Variants in CADM2 observed in about 807,000 individuals in gnomAD.
The protein encoded by CADM2 is cell adhesion molecule 2, also known as immunoglobulin superfamily member 4D.
In CADM2, 12 loss-of-function variants were observed where a neutral mutation model predicts 49.8. The observed-to-expected ratio is 0.24, with a 90% CI of 0.15 to 0.39. CADM2 has a LOEUF of 0.39. Ranked by LOEUF, CADM2 falls within the 10% of genes least tolerant of loss-of-function variation. CADM2 has a pLI of 1.00. For synonymous variants in CADM2, 214 were observed against 175.4 expected (o/e 1.22, Z -1.74); for missense variants, 378 against 492.3 (o/e 0.77, Z 2.20).
At chr3:85,125,768 A>T (rs2039014360) in intron 1 of CADM2, among the ~76,000 whole-genome samples, 1 of 152,204 alleles carries the variant, frequency 6.6e-6, no homozygotes. Context: ...CCTGGATCAA[A>T]ATTATGGCAC....
intron 1 of CADM2, among the ~76,000 whole-genome samples, chr3:85,567,865 A>G (rs1343174349): frequency 6.6e-6 from 1 of 152,284 alleles, no homozygotes; most frequent in East Asian, 1.9e-4. Flanking sequence ...GAACCCACGG[A>G]GCTGCTGGTA....
chr3:85,080,864 A>C (rs1264339643), intron 1 of CADM2, among the ~76,000 whole-genome samples: 1 of 152,092 alleles, frequency 6.6e-6, no homozygotes, highest in Non-Finnish European at 1.5e-5. Context: ...TGTTTCTAAA[A>C]ATTACACTAC....
At chr3:85,060,534 T>C (rs1188591217) in intron 1 of CADM2, among the ~76,000 whole-genome samples, 1 of 152,202 alleles carries the variant, frequency 6.6e-6, no homozygotes, top group Non-Finnish European at 1.5e-5. Context: ...TAAATGAAAA[T>C]GTTTTCTTTA....
intron 1 of CADM2, among the ~76,000 whole-genome samples, chr3:85,290,440 G>A (rs889319278): frequency 6.6e-6 from 1 of 152,218 alleles, no homozygotes; most frequent in Admixed American, 6.5e-5. Context: ...GCCCACCACA[G>A]CTCAAGGAGG....
intron 1 of CADM2, among the ~76,000 whole-genome samples, chr3:85,383,842 T>G (rs535734633): frequency 2.0e-5 from 3 of 152,090 alleles, no homozygotes; most frequent in Non-Finnish European, 4.4e-5. Context: ...TTTCCACCAC[T>G]ATATAGTATT....
chr3:85,624,150 CAG>C (rs1250005417), intron 1 of CADM2, among the ~76,000 whole-genome samples: 1 of 152,040 alleles, frequency 6.6e-6, no homozygotes, highest in Non-Finnish European at 1.5e-5. Flanking sequence ...CATTTTGTAA[CAG>C]ATATTCATGG....
chr3:85,334,970 TACAAGGTG>T (rs1206795807), intron 1 of CADM2, among the ~76,000 whole-genome samples: 2 of 151,198 alleles, frequency 1.3e-5, no homozygotes, highest in Non-Finnish European at 3.0e-5. Context: ...GCTATGAAGT[TACAAGGTG>T]ACAGGAAAGT....
At chr3:85,955,299 C>T (rs369037157) in intron 7 of CADM2, among the ~76,000 whole-genome samples, 10 of 151,258 alleles carry the variant, frequency 6.6e-5, no homozygotes, top group East Asian at 3.9e-4. Flanking sequence ...AAAGGCAGCA[C>T]GAATCCCAAG....
chr3:85,555,702 C>A (rs935014931), intron 1 of CADM2, among the ~76,000 whole-genome samples: 2 of 151,868 alleles, frequency 1.3e-5, no homozygotes, highest in Non-Finnish European at 2.9e-5. Flanking sequence ...TTAAATACAG[C>A]TTTAGGTTGC....
intron 1 of CADM2, among the ~76,000 whole-genome samples, chr3:85,614,172 TGATA>T (rs2063743136): frequency 6.6e-6 from 1 of 151,662 alleles, no homozygotes; most frequent in African/African-American, 2.4e-5. Flanking sequence ...ACATACTGTT[TGATA>T]AAGACACAGG....
At chr3:85,122,640 A>G (rs192496891) in intron 1 of CADM2, among the ~76,000 whole-genome samples, 1 of 152,246 alleles carries the variant, frequency 6.6e-6, no homozygotes, top group Non-Finnish European at 1.5e-5. Flanking sequence ...ATATTCATAT[A>G]TATGTGTACA....
At chr3:85,236,784 G>T (rs1225435309) in intron 1 of CADM2, among the ~76,000 whole-genome samples, 3 of 151,980 alleles carry the variant, frequency 2.0e-5, no homozygotes, top group African/African-American at 7.2e-5. Context: ...AAAAGTCATT[G>T]ATAGGGCTCG....
intron 7 of CADM2, among the ~76,000 whole-genome samples, chr3:85,950,970 A>G (rs192343101): frequency 3.3e-5 from 5 of 151,170 alleles, no homozygotes; most frequent in South Asian, 2.1e-4. Flanking sequence ...CTGCATGAAA[A>G]TGTCTTTGAC....
At chr3:85,446,576 G>T (rs916100867) in intron 1 of CADM2, among the ~76,000 whole-genome samples, 18 of 149,896 alleles carry the variant, frequency 1.2e-4, no homozygotes, top group African/African-American at 4.4e-4. Context: ...TTTTATAAAA[G>T]TGTGTGTGTG....
chr3:85,937,573 G>A (rs1721330535), intron 7 of CADM2, among the ~76,000 whole-genome samples: 1 of 151,854 alleles, frequency 6.6e-6, no homozygotes. Flanking sequence ...ATTGCTAAAT[G>A]TAAATTTCCA....
intron 1 of CADM2, among the ~76,000 whole-genome samples, chr3:85,575,850 A>G (rs111811716): frequency 1.3e-5 from 2 of 152,210 alleles, no homozygotes; most frequent in African/African-American, 4.8e-5. Flanking sequence ...AATTTTCAGG[A>G]AACTGCAAAT....
At chr3:86,021,290 G>A (rs528212404) in intron 8 of CADM2, among the ~76,000 whole-genome samples, 17 of 150,028 alleles carry the variant, frequency 1.1e-4, no homozygotes, top group African/African-American at 3.4e-4. Flanking sequence ...GTGAGTCACC[G>A]CACCTGGCCA....
intron 1 of CADM2, among the ~76,000 whole-genome samples, chr3:85,049,641 T>C (rs1342986338): frequency 6.7e-6 from 1 of 150,112 alleles, no homozygotes; most frequent in Non-Finnish European, 1.5e-5. Context: ...TGAGCTACTG[T>C]GCCTGGCAAA....
intron 1 of CADM2, among the ~76,000 whole-genome samples, chr3:85,644,158 G>A (rs149119598): frequency 1.2e-4 from 18 of 152,204 alleles, no homozygotes; most frequent in African/African-American, 4.3e-4. Flanking sequence ...AGCAGCGTTG[G>A]TGTCTGGTGA....
Sources: allele counts gnomAD v4.1 joint callset (sites outside exome capture counted in the v4.1 genomes callset), GRCh38; gene constraint gnomAD v4.1.1; transcripts MANE v1.5; gene names NCBI Gene and HGNC (gene_info 2026-07-23, HGNC 2026-07-21).